RAB11FIP4: variants seen among roughly 807,000 people sequenced by gnomAD.
The protein encoded by RAB11FIP4 is rab11 family-interacting protein 4.
RAB11FIP4 carries 23 observed loss-of-function variants against 74.3 expected under a neutral mutation model. The ratio of observed to expected loss-of-function variants is 0.31; its 90% CI spans 0.22 to 0.44. The LOEUF (loss-of-function observed/expected upper bound fraction) is 0.44, where lower values mean the gene tolerates loss of function less well. Among genes scored for constraint, RAB11FIP4 ranks in the 20% least tolerant of loss-of-function variants. The pLI, the probability that RAB11FIP4 is intolerant of heterozygous loss-of-function variation, is 1.00. For synonymous variants in RAB11FIP4, 360 were observed against 359.9 expected (o/e 1.00, Z 0.00); for missense variants, 630 against 863.9 (o/e 0.73, Z 3.39).
At chr17:31,406,819 G>C (rs374007154) in intron 1 of RAB11FIP4, among the ~76,000 whole-genome samples, 2 of 151,814 alleles carry the variant, frequency 1.3e-5, no homozygotes, top group African/African-American at 4.8e-5. Flanking sequence ...CTTTCTCTCT[G>C]TTAATCATAT....
chr17:31,525,732 A>C (rs1597984073), intron 10 of RAB11FIP4: 1 of 160,104 alleles, frequency 6.2e-6, no homozygotes, highest in Non-Finnish European at 1.4e-5. Context: ...GTACTGGGTC[A>C]CCTCCCTGTG....
chr17:31,535,582 G>C lies in RAB11FIP4; in HGVS notation c.*3850G>C, dbSNP rs1382123177. On this transcript the variant is annotated 3_prime_UTR_variant, in exon 15 of 15. Transcript: ENST00000621161. ...CTGAATGACAGTGAGCTCTCTTGCTGGGAGGGTTCCTTTTCCTGTTGTTGA... is the reference window on the plus strand; with the variant it reads ...CTGAATGACAGTGAGCTCTCTTGCTCGGAGGGTTCCTTTTCCTGTTGTTGA... 6.6e-6 allele frequency: 1 copy of C among 152,322 alleles called. No individual in the cohort carries two copies. Among genetic ancestry groups the C allele is most frequent in the Non-Finnish European group, 1.5e-5 (1 of 68,110 alleles). The allele number at this position is 152,322 out of a possible 1,614,324, so 9.4% of individuals were successfully genotyped here.
At chr17:31,522,502 G>C (rs1443890777) in intron 7 of RAB11FIP4, 107 bp downstream of exon 7, 1 of 1,119,194 alleles carries the variant, frequency 8.9e-7, no homozygotes. Context: ...GCATGTGGCT[G>C]AGTGAGCAGA....
chr17:31,402,770 C>T (rs1189396794), intron 1 of RAB11FIP4, among the ~76,000 whole-genome samples: 2 of 151,806 alleles, frequency 1.3e-5, no homozygotes, highest in African/African-American at 4.8e-5. Flanking sequence ...TACAGGCGCC[C>T]ACCATCACTC....
At chr17:31,484,401 C>A (rs1307166326) in intron 3 of RAB11FIP4, among the ~76,000 whole-genome samples, 4 of 151,448 alleles carry the variant, frequency 2.6e-5, no homozygotes. Context: ...AAAAAAGGAA[C>A]CTCACAGGTA....
At chr17:31,459,167 C>T (rs2071610103) in intron 3 of RAB11FIP4, among the ~76,000 whole-genome samples, 1 of 152,058 alleles carries the variant, frequency 6.6e-6, no homozygotes, top group African/African-American at 2.4e-5. Context: ...GTGTCAATTC[C>T]CCAGTCCTAC....
At chr17:31,511,341 AG>A (rs780805579) in intron 3 of RAB11FIP4, among the ~76,000 whole-genome samples, 21 of 152,316 alleles carry the variant, frequency 1.4e-4, no homozygotes, top group Non-Finnish European at 1.0e-4. Context: ...CCTGCCAGGC[AG>A]GTGGTTCCCT....
intron 3 of RAB11FIP4, among the ~76,000 whole-genome samples, chr17:31,488,762 G>A (rs775886528): frequency 2.0e-5 from 3 of 152,170 alleles, no homozygotes; most frequent in Non-Finnish European, 4.4e-5. Flanking sequence ...TGTGGGGCCG[G>A]GGCCCTGCCT....
intron 1 of RAB11FIP4, among the ~76,000 whole-genome samples, chr17:31,410,419 A>G (rs2071082416): frequency 6.6e-6 from 1 of 152,190 alleles, no homozygotes; most frequent in Admixed American, 6.5e-5. Flanking sequence ...ATAGTAGAAA[A>G]TAGTGCAAGT....
intron 3 of RAB11FIP4, among the ~76,000 whole-genome samples, chr17:31,468,869 A>C (rs997393987): frequency 6.6e-6 from 1 of 152,004 alleles, no homozygotes; most frequent in Non-Finnish European, 1.5e-5. Context: ...CAAAGTTTAC[A>C]AACACTTAAC....
At chr17:31,418,697 T>A (rs1430395722) in intron 1 of RAB11FIP4, among the ~76,000 whole-genome samples, 1 of 152,120 alleles carries the variant, frequency 6.6e-6, no homozygotes, top group Non-Finnish European at 1.5e-5. Flanking sequence ...ACTCCTGAGC[T>A]CAAGCGATCC....
chr17:31,436,732 T>C (rs1755330873), intron 3 of RAB11FIP4, among the ~76,000 whole-genome samples: 1 of 151,866 alleles, frequency 6.6e-6, no homozygotes, highest in Non-Finnish European at 1.5e-5. Context: ...TAGGTTTTTG[T>C]TGCTTTGGGT....
chr17:31,517,191 C>CGGGGGGGGGGGGGGGGGGGGGGGGGGG (rs537395833), intron 3 of RAB11FIP4, among the ~76,000 whole-genome samples: 1 of 42,700 alleles, frequency 2.3e-5, no homozygotes, highest in Non-Finnish European at 5.5e-5. Flanking sequence ...GGAGGCGGTG[C>CGGGGGGGGGGGGGGGGGGGGGGGGGGG]GGGGGGGGGG....
At chr17:31,410,326 T>G (rs1307593337) in intron 1 of RAB11FIP4, among the ~76,000 whole-genome samples, 2 of 151,898 alleles carry the variant, frequency 1.3e-5, no homozygotes, top group African/African-American at 2.4e-5. Flanking sequence ...CCCAGGATGA[T>G]GAGGATGATG....
chr17:31,451,037 C>T (rs2071522183), intron 3 of RAB11FIP4, among the ~76,000 whole-genome samples: 1 of 152,170 alleles, frequency 6.6e-6, no homozygotes, highest in African/African-American at 2.4e-5. Flanking sequence ...CCGAGCCATC[C>T]ACTTCCCTCC....
At chr17:31,502,656 G>A (rs9901597) in intron 3 of RAB11FIP4, among the ~76,000 whole-genome samples, 65,756 of 152,034 alleles carry the variant, frequency 0.43, 14,379 homozygotes, top group East Asian at 0.56. Flanking sequence ...GAAGGTGGGC[G>A]AAAAATCCAG....
chr17:31,476,066 A>G (rs1328100538), intron 3 of RAB11FIP4, among the ~76,000 whole-genome samples: 4 of 151,950 alleles, frequency 2.6e-5, no homozygotes, highest in Admixed American at 2.6e-4. Context: ...GGCTCACAGG[A>G]ATTGAACCAG....
intron 3 of RAB11FIP4, among the ~76,000 whole-genome samples, chr17:31,475,124 A>G (rs2142732330): frequency 6.6e-6 from 1 of 152,278 alleles, no homozygotes; most frequent in Middle Eastern, 3.4e-3. Flanking sequence ...CAGGGCCCAC[A>G]TGGAAGGGTC....
intron 1 of RAB11FIP4, among the ~76,000 whole-genome samples, chr17:31,404,002 G>A (rs1046218027): frequency 5.9e-5 from 9 of 152,222 alleles, no homozygotes; most frequent in Non-Finnish European, 1.3e-4. Flanking sequence ...ACTGGGCAGG[G>A]AGGGAGGCTG....
Sources: allele counts gnomAD v4.1 joint callset (sites outside exome capture counted in the v4.1 genomes callset), GRCh38; gene constraint gnomAD v4.1.1; transcripts MANE v1.5; gene names NCBI Gene and HGNC (gene_info 2026-07-23, HGNC 2026-07-21).